PHACTR2: variants seen among roughly 807,000 people sequenced by gnomAD.
PHACTR2 encodes chromosome 6 open reading frame 56.
In PHACTR2, 30 loss-of-function variants were observed where a neutral mutation model predicts 76.0. That is an observed-to-expected ratio of 0.39 (90% CI 0.30 to 0.54). The LOEUF is 0.54. PHACTR2 is among the 20% of genes least tolerant of loss of function. The pLI is 0.61. For missense variants in PHACTR2, 696 were observed against 781.1 expected, an observed-to-expected ratio of 0.89 and a Z score of 1.30; for synonymous variants, 292 against 292.5, an observed-to-expected ratio of 1.00 and a Z score of 0.02.
chr6:143,696,851 C>T lies in PHACTR2; in HGVS notation c.47-15165C>T, dbSNP rs1232305938. On this transcript the variant is annotated intron_variant, in intron 1 of 12. Transcript: ENST00000440869. The surrounding 1 kb of genome is among the most constrained non-coding windows in gnomAD (Gnocchi z 4.1). ...TGTTTGCTCCCCTTAGGGTACTGTTCTAACAGGAGATATTTGCTTCACAGT... is the reference window on the plus strand; with the variant it reads ...TGTTTGCTCCCCTTAGGGTACTGTTTTAACAGGAGATATTTGCTTCACAGT... Among the ~76,000 whole-genome samples the T allele has an allele frequency of 6.6e-6, 1 of 152,184 alleles. No individual in the cohort carries two copies. The highest frequency in any genetic ancestry group is 1.9e-4 in the East Asian group (1 of 5,188).
rs1189520845 is a variant in PHACTR2, at chr6:143,774,584, CTTTA to C, written c.1589+376_1589+379del. ...TGAGTGTGGCCATGTTCCAATAAAA[CTTTA>C]TTTATTCATAAAGCTGGATTTGGCC... On this transcript the variant is annotated intron_variant, in intron 8 of 12. Transcript: ENST00000440869. The surrounding 1 kb of genome is among the most constrained non-coding windows in gnomAD (Gnocchi z 5.4). Among the ~76,000 whole-genome samples the C allele has an allele frequency of 6.6e-6, 1 of 152,186 alleles. No homozygotes were observed. The highest frequency in any genetic ancestry group is 1.5e-5 in the Non-Finnish European group (1 of 68,024).
At chr6:143,712,331 T>C (rs1213831430) in intron 2 of PHACTR2, 148 bp downstream of exon 2, 2 of 453,686 alleles carry the variant, frequency 4.4e-6, no homozygotes, top group Non-Finnish European at 7.3e-6. Context: ...AAAATAAGGA[T>C]GAAACAACTT....
intron 2 of PHACTR2, among the ~76,000 whole-genome samples, chr6:143,745,500 C>T (rs1053789237): frequency 6.6e-6 from 1 of 152,146 alleles, no homozygotes; most frequent in Non-Finnish European, 1.5e-5. Context: ...CTGCTTTGTG[C>T]GGTGTGTTGG....
chr6:143,749,523 A>G (rs571516609), intron 3 of PHACTR2, among the ~76,000 whole-genome samples: 1 of 152,270 alleles, frequency 6.6e-6, no homozygotes, highest in South Asian at 2.1e-4. Context: ...GCACTCTATA[A>G]TAACACTGAA....
At chr6:143,626,277 C>T (rs1562251915) in intron 1 of PHACTR2, among the ~76,000 whole-genome samples, 2 of 152,054 alleles carry the variant, frequency 1.3e-5, no homozygotes, top group Non-Finnish European at 2.9e-5. Context: ...GTTGCTCACG[C>T]CCGTAATCCC....
rs140524744 is a variant in PHACTR2, at chr6:143,795,535, C to T, written c.1845+6625C>T. Among the ~76,000 whole-genome samples the T allele has an allele frequency of 5.7e-3, 865 of 152,288 alleles. 10 individuals are homozygous for T. Among genetic ancestry groups the T allele is most frequent in the African/African-American group, 0.02 (821 of 41,556 alleles). The stretch of plus-strand genomic sequence containing the variant: ...GGTTTCCTGCACTGAGGTAGATAGA[C>T]GAGCTGGCCCTTCAGTGGCAGAGAG... On this transcript the variant is annotated intron_variant, in intron 11 of 12. Coordinates refer to ENST00000440869, the MANE Select transcript of PHACTR2 (RefSeq NM_001100164.2). The surrounding 1 kb of genome is among the most constrained non-coding windows in gnomAD (Gnocchi z 4.8).
At chr6:143,771,465 T>C (rs1775139391) in intron 6 of PHACTR2, among the ~76,000 whole-genome samples, 1 of 151,382 alleles carries the variant, frequency 6.6e-6, no homozygotes, top group Non-Finnish European at 1.5e-5. Flanking sequence ...AGACGGAGTT[T>C]TGCTCTTGTT....
chr6:143,746,216 T>C (rs1001331772), intron 2 of PHACTR2, among the ~76,000 whole-genome samples: 5 of 152,142 alleles, frequency 3.3e-5, no homozygotes, highest in African/African-American at 1.2e-4. Flanking sequence ...TTGTGTCCCT[T>C]ATTTTACAGA....
intron 4 of PHACTR2, among the ~76,000 whole-genome samples, chr6:143,756,492 G>T (rs1337798903): frequency 6.6e-6 from 1 of 150,888 alleles, no homozygotes; most frequent in Non-Finnish European, 1.5e-5. Flanking sequence ...TCAGGAGATC[G>T]AGACCATCCT....
In PHACTR2 at chr6:143,679,368, A is replaced by G. The variant is rs7755959; in HGVS notation, c.46+1159A>G. On this transcript the variant is annotated intron_variant, in intron 1 of 12. Coordinates refer to ENST00000440869, the MANE Select transcript of PHACTR2 (RefSeq NM_001100164.2). The surrounding 1 kb of genome is among the most constrained non-coding windows in gnomAD (Gnocchi z 4.6). Reference sequence around the variant, plus strand: ...ATATACCTTCTTTACCATTAATGACATGGCTACAGCTCTGAAATCAAAGAC... The same window carrying G: ...ATATACCTTCTTTACCATTAATGACGTGGCTACAGCTCTGAAATCAAAGAC... 0.031 allele frequency among the ~76,000 whole-genome samples: 4,709 copies of G among 152,238 alleles called. 215 individuals carry two copies. Among genetic ancestry groups the G allele is most frequent in the African/African-American group, 0.11 (4,498 of 41,524 alleles).
rs2128446358 is a variant in PHACTR2, at chr6:143,652,080, A to G, written c.13+43758A>G. Among the ~76,000 whole-genome samples, 1 of 150,924 alleles carries G rather than the reference A, an allele frequency of 6.6e-6. No homozygotes were observed. The highest frequency in any genetic ancestry group is 2.4e-5 in the African/African-American group (1 of 41,366). On this transcript the variant is annotated intron_variant, in intron 1 of 11. Coordinates refer to the PHACTR2 transcript ENST00000305766. The surrounding 1 kb of genome is among the most constrained non-coding windows in gnomAD (Gnocchi z 4.5). ...TGTTGTTTAAGCAAAAAAAAAAAAA[A>G]AGGCCGGTAAACACTGGTGATTCTG... is the stretch of plus-strand genomic sequence containing the variant.
At chr6:143,712,559 A>G (rs1278826267) in intron 2 of PHACTR2, among the ~76,000 whole-genome samples, 1 of 151,530 alleles carries the variant, frequency 6.6e-6, no homozygotes, top group African/African-American at 2.4e-5. Flanking sequence ...AGACTATACT[A>G]TTTATATTAA....
chr6:143,713,230 C>T (rs1272159209), intron 2 of PHACTR2, among the ~76,000 whole-genome samples: 8 of 152,028 alleles, frequency 5.3e-5, no homozygotes, highest in African/African-American at 1.2e-4. Context: ...AAAGTGGTCT[C>T]GGATGCATTT....
chr6:143,609,631 T>C (rs10484804), intron 1 of PHACTR2, among the ~76,000 whole-genome samples: 116,079 of 152,172 alleles, frequency 0.76, 44,624 homozygotes, highest in Middle Eastern at 0.81. Context: ...CTAATTACAG[T>C]GGTAGAGTGA....
chr6:143,645,235 T>C (rs949870601), intron 1 of PHACTR2, among the ~76,000 whole-genome samples: 2 of 151,828 alleles, frequency 1.3e-5, no homozygotes, highest in Admixed American at 1.3e-4. Context: ...TCCAGAAATA[T>C]GGAGCCAGCC....
chr6:143,603,659 G>C (rs1177318035), upstream of PHACTR2, among the ~76,000 whole-genome samples: 2 of 152,202 alleles, frequency 1.3e-5, no homozygotes, highest in Non-Finnish European at 2.9e-5. Flanking sequence ...AACACTATCT[G>C]TTGCAAAACT....
chr6:143,642,191 A>G (rs1776577233), intron 1 of PHACTR2, among the ~76,000 whole-genome samples: 2 of 152,196 alleles, frequency 1.3e-5, no homozygotes, highest in South Asian at 2.1e-4. Flanking sequence ...ATGTCCTATT[A>G]TTATTATTTG....
In PHACTR2 at chr6:143,678,007, G is replaced by A. The variant is rs1383647022; in HGVS notation, c.-157G>A. 18 of 1,471,280 alleles carry A rather than the reference G, an allele frequency of 1.2e-5. No individual in the cohort carries two copies. The highest frequency in any genetic ancestry group is 4.8e-5 in the Admixed American group (2 of 41,604). The allele number at this position is 1,471,280 out of a possible 1,614,324, so 91.1% of individuals were successfully genotyped here. A position where few individuals can be genotyped will look rare whatever the true frequency, so the allele number is the denominator to read the frequency against. The stretch of plus-strand genomic sequence containing the variant: ...CGCCGCGCCGGCTGCGGCCGGCCGG[G>A]CTGGGAGACCCGCGCGGGGTAGAAG... On this transcript the variant is annotated 5_prime_UTR_variant, in exon 1 of 13. Transcript: ENST00000440869. The surrounding 1 kb of genome is among the most constrained non-coding windows in gnomAD (Gnocchi z 6.2).
chr6:143,827,174 A>ATATATATATATATATATATATATGTATAT lies in PHACTR2; in HGVS notation c.*3508_*3509insGTATATTATATATATATATATATATATAT. 1 of 122,180 alleles carries ATATATATATATATATATATATATGTATAT rather than the reference A, an allele frequency of 8.2e-6. No individual in the cohort carries two copies. Among genetic ancestry groups the ATATATATATATATATATATATATGTATAT allele is most frequent in the African/African-American group, 3.3e-5 (1 of 30,194 alleles). 7.6% of individuals were successfully genotyped at this position (122,180 alleles called of 1,614,324 possible). On this transcript the variant is annotated 3_prime_UTR_variant, in exon 13 of 13. Coordinates refer to ENST00000440869, the MANE Select transcript of PHACTR2 (RefSeq NM_001100164.2). ...AAAGAAAATATATATATATATATAT[A>ATATATATATATATATATATATATGTATAT]TATATATATATATATATATATATAT...
Sources: gnomAD v4.1 joint callset for allele counts (sites outside exome capture counted in the v4.1 genomes callset) on GRCh38, gnomAD v4.1.1 for gene constraint, Gnocchi (gnomAD v3.1) non-coding constraint, MANE v1.5 for transcripts, NCBI Gene and HGNC (gene_info 2026-07-23, HGNC 2026-07-21) for gene names.